Variants in SGCG observed in about 807,000 individuals in gnomAD.
The protein encoded by SGCG is gamma-sarcoglycan.
In SGCG, 26 loss-of-function variants were observed where a neutral mutation model predicts 29.3. That is an observed-to-expected ratio of 0.89 (90% CI 0.65 to 1.23). SGCG has a LOEUF of 1.23. Among genes scored for constraint, SGCG ranks in the 50% most tolerant of loss-of-function variants. SGCG has a pLI of 0.00. For synonymous variants in SGCG, 145 were observed against 129.7 expected, an observed-to-expected ratio of 1.12 and a Z score of -0.80; for missense variants, 353 against 356.0, an observed-to-expected ratio of 0.99 and a Z score of 0.07.
In SGCG at chr13:23,324,471, A is replaced by G. The variant is rs761374184; in HGVS notation, c.806A>G (p.Asp269Gly). ...QSLYEICVCPDGKLYLSVAGV... is the reference protein window; with the variant it reads ...QSLYEICVCPGGKLYLSVAGV... The stretch of plus-strand genomic sequence containing the variant: ...CTCTACGAAATCTGTGTGTGTCCAG[A>G]TGGGAAGCTGTACCTGTCTGTGGCC... The change falls in exon 8 of 8, where the codon GAT becomes GGT. Residue 269 changes from aspartate (D) to glycine (G), a missense_variant. Asp to Gly is a moderately conservative substitution (Grantham distance 94). Transcript: ENST00000218867. The G allele has an allele frequency of 1.4e-5, 22 of 1,613,928 alleles. No homozygotes were observed. The highest frequency in any genetic ancestry group is 1.8e-5 in the Non-Finnish European group (21 of 1,180,030).
At chr13:23,254,460 C>G (rs1880100635) in intron 4 of SGCG, among the ~76,000 whole-genome samples, 2 of 151,988 alleles carry the variant, frequency 1.3e-5, no homozygotes, top group South Asian at 4.2e-4. Flanking sequence ...ATTCAAGAAG[C>G]AGTCTGGCTG....
intron 6 of SGCG, among the ~76,000 whole-genome samples, chr13:23,317,455 T>C (rs1882861523): frequency 6.6e-6 from 1 of 152,136 alleles, no homozygotes; most frequent in African/African-American, 2.4e-5. Flanking sequence ...GAATGGGTAG[T>C]TGAAGAAGGT....
intron 3 of SGCG, among the ~76,000 whole-genome samples, chr13:23,241,249 T>C (rs926131657): frequency 6.8e-6 from 1 of 147,924 alleles, no homozygotes; most frequent in Non-Finnish European, 1.5e-5. Context: ...AGACAGAAGA[T>C]CCAAACAAAT....
intron 4 of SGCG, among the ~76,000 whole-genome samples, chr13:23,257,865 G>A (rs928909306): frequency 5.3e-5 from 8 of 152,156 alleles, no homozygotes; most frequent in East Asian, 3.9e-4. Context: ...GTAGATAAGC[G>A]GCGTTATTTC....
intron 1 of SGCG, among the ~76,000 whole-genome samples, chr13:23,182,122 T>C (rs1424781047): frequency 6.6e-6 from 1 of 152,214 alleles, no homozygotes; most frequent in East Asian, 1.9e-4. Flanking sequence ...AGCTTGCAGT[T>C]AAAATGCGGA....
intron 6 of SGCG, among the ~76,000 whole-genome samples, chr13:23,309,229 T>TA (rs952000609): frequency 3.0e-4 from 45 of 152,082 alleles, no homozygotes; most frequent in African/African-American, 1.1e-3. Context: ...TATATGTATA[T>TA]AAAAATACAT....
chr13:23,246,630 G>C (rs1014604180), intron 3 of SGCG: 2 of 214,918 alleles, frequency 9.3e-6, no homozygotes, highest in African/African-American at 4.6e-5. Context: ...CAAGAAAGAA[G>C]TATTTTAAAA....
At chr13:23,183,332 A>G (rs1405340715) in intron 1 of SGCG, among the ~76,000 whole-genome samples, 1 of 152,172 alleles carries the variant, frequency 6.6e-6, no homozygotes, top group Admixed American at 6.5e-5. Context: ...CGGGAAAATG[A>G]CGGTAACTGG....
chr13:23,313,971 G>T (rs1882698301), intron 6 of SGCG, among the ~76,000 whole-genome samples: 1 of 152,110 alleles, frequency 6.6e-6, no homozygotes, highest in Non-Finnish European at 1.5e-5. Context: ...CTCTATGCTG[G>T]ACGCTTCCTG....
intron 2 of SGCG, among the ~76,000 whole-genome samples, chr13:23,210,594 A>G (rs1878157704): frequency 1.3e-5 from 2 of 152,108 alleles, no homozygotes; most frequent in African/African-American, 4.8e-5. Flanking sequence ...GGGAGGCTGA[A>G]GCAAGAGAAT....
At chr13:23,239,181 A>C (rs1879416512) in intron 3 of SGCG, among the ~76,000 whole-genome samples, 1 of 152,172 alleles carries the variant, frequency 6.6e-6, no homozygotes, top group South Asian at 2.1e-4. Flanking sequence ...TAAATTGCTT[A>C]AAAACAAGAG....
At chr13:23,194,237 A>G (rs1374988751) in intron 1 of SGCG, among the ~76,000 whole-genome samples, 1 of 152,192 alleles carries the variant, frequency 6.6e-6, no homozygotes, top group Non-Finnish European at 1.5e-5. Flanking sequence ...TAGGTCAAAA[A>G]TAGTTGCAAG....
chr13:23,196,860 G>A (rs940777477), intron 1 of SGCG, among the ~76,000 whole-genome samples: 43 of 152,084 alleles, frequency 2.8e-4, no homozygotes, highest in African/African-American at 8.9e-4. Context: ...ACTAATTAAC[G>A]TGAGATGAGA....
At chr13:23,194,486 T>C (rs1053633047) in intron 1 of SGCG, among the ~76,000 whole-genome samples, 1 of 152,162 alleles carries the variant, frequency 6.6e-6, no homozygotes, top group African/African-American at 2.4e-5. Flanking sequence ...ACTCTCACAC[T>C]CTCTCCCTCT....
intron 1 of SGCG, among the ~76,000 whole-genome samples, chr13:23,185,038 G>A (rs371067130): frequency 8.5e-5 from 13 of 152,292 alleles, no homozygotes; most frequent in African/African-American, 2.2e-4. Context: ...AGATGTCCTC[G>A]CAGAAGTGTT....
At chr13:23,174,807 C>T in the SGCG span, among the ~76,000 whole-genome samples, 2 of 152,062 alleles carry the variant, frequency 1.3e-5, no homozygotes, top group African/African-American at 2.4e-5. Context: ...ATGTGAACAC[C>T]GTTTGTTGCA....
intron 4 of SGCG, among the ~76,000 whole-genome samples, chr13:23,266,463 A>G (rs1344924815): frequency 1.3e-5 from 2 of 152,146 alleles, no homozygotes; most frequent in African/African-American, 4.8e-5. Context: ...CGAATGCCAC[A>G]TGTTCTCACT....
At chr13:23,170,716 T>A in the SGCG span, 1 of 152,372 alleles carries the variant, frequency 6.6e-6, no homozygotes, top group East Asian at 1.9e-4. Flanking sequence ...GGACAAAGAT[T>A]TCTTGAGGGA....
intron 4 of SGCG, among the ~76,000 whole-genome samples, chr13:23,255,437 A>G (rs1880140792): frequency 6.6e-6 from 1 of 152,234 alleles, no homozygotes; most frequent in South Asian, 2.1e-4. Flanking sequence ...TCATGCTGGA[A>G]TGAGTTAAGA....
Sources: allele counts gnomAD v4.1 joint callset (sites outside exome capture counted in the v4.1 genomes callset), GRCh38; gene constraint gnomAD v4.1.1; transcripts MANE v1.5; gene names NCBI Gene and HGNC (gene_info 2026-07-23, HGNC 2026-07-21).